The following LYST variants were observed in gnomAD, a reference collection of about 807,000 sequenced individuals.
The protein encoded by LYST is lysosomal-trafficking regulator.
Under a neutral mutation model 413.6 loss-of-function variants are expected in LYST, and 192 were observed. The observed-to-expected ratio is 0.46, with a 90% CI of 0.41 to 0.52. LYST has a LOEUF of 0.52. Among genes scored for constraint, LYST ranks in the 20% least tolerant of loss-of-function variants. The pLI is 0.00. For missense variants in LYST, 3,815 were observed against 4,499.9 expected, an observed-to-expected ratio of 0.85 and a Z score of 4.35; for synonymous variants, 1,525 against 1,567.3, an observed-to-expected ratio of 0.97 and a Z score of 0.64.
chr1:235,677,827 C>T (rs547722838), intron 48 of LYST, among the ~76,000 whole-genome samples: 3 of 152,194 alleles, frequency 2.0e-5, no homozygotes, highest in African/African-American at 7.2e-5. Flanking sequence ...TTTGTCTATT[C>T]TTGTCCAATC....
chr1:235,746,239 T>C, intron 29 of LYST, 97 bp downstream of exon 29: 1 of 985,292 alleles, frequency 1.0e-6, no homozygotes. Context: ...TGAAAAATAA[T>C]GCTGCTTAAA....
chr1:235,666,031 G>A (rs1010759012), intron 50 of LYST, among the ~76,000 whole-genome samples: 3 of 151,932 alleles, frequency 2.0e-5, no homozygotes, highest in Non-Finnish European at 4.4e-5. Flanking sequence ...CTTTTATTAA[G>A]ACAATGAAAA....
chr1:235,800,447 C>T, intron 9 of LYST, 61 bp from the exon 10 acceptor site: 1 of 914,594 alleles, frequency 1.1e-6, no homozygotes, highest in South Asian at 1.3e-5. Flanking sequence ...GAAACAACTG[C>T]AATGTCATAA....
chr1:235,830,015 G>T, intron 3 of LYST: 1 of 542,486 alleles, frequency 1.8e-6, no homozygotes, highest in Non-Finnish European at 3.3e-6. Flanking sequence ...TAGTTCTTAG[G>T]CAATTCATAA....
chr1:235,751,118 A>C, intron 28 of LYST, 92 bp downstream of exon 28: 4 of 1,262,980 alleles, frequency 3.2e-6, no homozygotes, highest in Non-Finnish European at 4.6e-6. Flanking sequence ...ATGTAAAACA[A>C]GAAATATTTT....
intron 42 of LYST, among the ~76,000 whole-genome samples, chr1:235,714,226 C>T (rs1662642092): frequency 6.6e-6 from 1 of 152,102 alleles, no homozygotes; most frequent in African/African-American, 2.4e-5. Flanking sequence ...ACAAAACTGT[C>T]CTATTTATTT....
At chr1:235,708,461 C>G (rs866835559) in intron 44 of LYST, among the ~76,000 whole-genome samples, 1 of 152,290 alleles carries the variant, frequency 6.6e-6, no homozygotes, top group Middle Eastern at 3.4e-3. Flanking sequence ...GTCTGGGAAC[C>G]TGGATTTCAG....
At chr1:235,856,125 A>G (rs1679154556) in intron 1 of LYST, among the ~76,000 whole-genome samples, 1 of 152,182 alleles carries the variant, frequency 6.6e-6, no homozygotes. Context: ...CACACTGGGT[A>G]GTTTCTATCA....
At chr1:235,741,700 C>A (rs1665417335) in intron 30 of LYST, 72 bp from the exon 31 acceptor site, 2 of 1,098,700 alleles carry the variant, frequency 1.8e-6, no homozygotes, top group South Asian at 2.5e-5. Context: ...CTCAACACAG[C>A]CCTAAAGAAG....
intron 1 of LYST, among the ~76,000 whole-genome samples, chr1:235,839,059 A>G (rs1380292124): frequency 1.3e-5 from 2 of 151,818 alleles, no homozygotes; most frequent in Non-Finnish European, 2.9e-5. Context: ...TTCTGGGCTC[A>G]AGTGAACCTC....
chr1:235,727,987 A>C, intron 38 of LYST, 89 bp downstream of exon 38: 1 of 934,656 alleles, frequency 1.1e-6, no homozygotes, highest in East Asian at 2.4e-5. Flanking sequence ...GAACTCTAAT[A>C]GTTCTTCCTT....
chr1:235,795,959 C>A, intron 10 of LYST, among the ~76,000 whole-genome samples: 1 of 151,206 alleles, frequency 6.6e-6, no homozygotes, highest in East Asian at 1.9e-4. Flanking sequence ...AAGAAATAAC[C>A]AGAAAACAAT....
intron 44 of LYST, among the ~76,000 whole-genome samples, chr1:235,703,195 T>C (rs915815708): frequency 6.6e-6 from 1 of 152,182 alleles, no homozygotes; most frequent in Non-Finnish European, 1.5e-5. Context: ...ATGGTTATAA[T>C]TAGTTATGTT....
At chr1:235,816,438 A>C (rs1327834911) in intron 3 of LYST, among the ~76,000 whole-genome samples, 1 of 140,628 alleles carries the variant, frequency 7.1e-6, no homozygotes, top group Non-Finnish European at 1.5e-5. Flanking sequence ...AGACTCCGTC[A>C]AAAAAAAAAA....
At chr1:235,856,996 A>G (rs555954983) in intron 1 of LYST, among the ~76,000 whole-genome samples, 2 of 146,056 alleles carry the variant, frequency 1.4e-5, no homozygotes, top group South Asian at 2.2e-4. Flanking sequence ...CCCAGGCTGG[A>G]ATGCAGTGGT....
At chr1:235,836,977 T>C (rs1676646676) in intron 1 of LYST, among the ~76,000 whole-genome samples, 1 of 152,178 alleles carries the variant, frequency 6.6e-6, no homozygotes, top group Non-Finnish European at 1.5e-5. Flanking sequence ...TTTAAAGCCA[T>C]GGAACTAGAC....
intron 6 of LYST, among the ~76,000 whole-genome samples, chr1:235,805,211 G>A (rs1174334031): frequency 2.6e-5 from 4 of 152,200 alleles, no homozygotes; most frequent in Non-Finnish European, 5.9e-5. Context: ...GAAGAGGTTA[G>A]GAGAAGAATC....
chr1:235,762,848 C>T lies in LYST; in HGVS notation c.6125G>A (p.Gly2042Asp). 1 of 1,612,738 alleles carries T rather than the reference C, an allele frequency of 6.2e-7. No homozygotes were observed. Among genetic ancestry groups the T allele is most frequent in the Non-Finnish European group, 8.5e-7 (1 of 1,179,322 alleles). Residue 2042 changes from glycine to aspartate, a missense_variant, in exon 22 of 53, where the codon GGC becomes GAC. By Grantham distance (94) the Gly-to-Asp change is moderately conservative. Coordinates refer to ENST00000389793, the MANE Select transcript of LYST (RefSeq NM_000081.4). ...CCGCACTTTCTCCTGAAAGATCTTGCCATCTAGAATCCAAATTTTTTTTGA... is the reference window on the plus strand; with the variant it reads ...CCGCACTTTCTCCTGAAAGATCTTGTCATCTAGAATCCAAATTTTTTTTGA... Reference protein sequence around the residue: ...TNFYFSLHIDGKIFQEKVRSI... With the variant: ...TNFYFSLHIDDKIFQEKVRSI...
chr1:235,741,316 T>C, intron 31 of LYST, 106 bp downstream of exon 31: 1 of 1,015,904 alleles, frequency 9.8e-7, no homozygotes, highest in South Asian at 1.3e-5. Context: ...GAAAATTATA[T>C]TTATAAATTA....
Sources: allele counts gnomAD v4.1 joint callset (sites outside exome capture counted in the v4.1 genomes callset), GRCh38; gene constraint gnomAD v4.1.1; transcripts MANE v1.5; gene names NCBI Gene and HGNC (gene_info 2026-07-23, HGNC 2026-07-21).